Variants in DNASE1 observed in about 807,000 individuals in gnomAD.
DNASE1 encodes the protein deoxyribonuclease-1.
DNASE1 carries 40 observed loss-of-function variants against 33.9 expected under a neutral mutation model. The ratio of observed to expected loss-of-function variants is 1.18; its 90% CI spans 0.92 to 1.54. The LOEUF is 1.54. DNASE1 is among the 40% of genes most tolerant of loss of function. DNASE1 has a pLI of 0.00. For missense variants in DNASE1, 518 were observed against 372.6 expected, an observed-to-expected ratio of 1.39 and a Z score of -3.21; for synonymous variants, 216 against 160.0, an observed-to-expected ratio of 1.35 and a Z score of -2.64.
intron 1 of DNASE1, among the ~76,000 whole-genome samples, chr16:3,631,066 A>AG (rs914731760): frequency 2.0e-5 from 3 of 152,104 alleles, no homozygotes; most frequent in Non-Finnish European, 4.4e-5. Context: ...GCTGTCACCC[A>AG]GGCTGGAGTG....
chr16:3,657,708 A>T lies in DNASE1; in HGVS notation c.705-12A>T. 6.2e-7 allele frequency: 1 copy of T among 1,613,818 alleles called. No individual in the cohort carries two copies. ...AAAGGGGAACCTACTTTCTCTTCCC[A>T]ACACCCATCAGGATCGTGGTTGCAG... On this transcript the variant is annotated splice_polypyrimidine_tract_variant and intron_variant, in intron 7 of 8. Coordinates refer to ENST00000246949, the MANE Select transcript of DNASE1 (RefSeq NM_005223.4).
chr16:3,661,984 C>T (rs779251477), downstream of DNASE1: 3 of 1,602,820 alleles, frequency 1.9e-6, no homozygotes, highest in Non-Finnish European at 2.6e-6. Flanking sequence ...AGCGTGGCCT[C>T]ACCTGGGGTT....
rs1346280476 is a variant in DNASE1 at position 3,657,245 on chromosome 16, G to A, written c.608G>A (p.Trp203Ter). 1 of 1,613,892 alleles carries A rather than the reference G, an allele frequency of 6.2e-7. No individual in the cohort carries two copies. Among genetic ancestry groups the A allele is most frequent in the African/African-American group, 1.3e-5 (1 of 74,918 alleles). The change falls in exon 7 of 9, where the codon TGG becomes TAG. Residue 203 changes from tryptophan to a stop codon, truncating the protein, a stop_gained. Transcript: ENST00000246949. LOFTEE classifies it high-confidence loss of function. The part of the protein sequence containing the change: ...AGCSYVRPSQ[W>*]SSIRLWTSPT... ...TGCAGCTATGTGAGACCCTCCCAGTGGTCATCCATCCGCCTGTGGACAAGC... is the reference window on the plus strand; with the variant it reads ...TGCAGCTATGTGAGACCCTCCCAGTAGTCATCCATCCGCCTGTGGACAAGC...
chr16:3,662,798 G>A (rs772333028), downstream of DNASE1: 24 of 1,323,688 alleles, frequency 1.8e-5, no homozygotes, highest in East Asian at 2.3e-5. Context: ...GACACCCAAC[G>A]GGCCAGGTAC....
exon 10 of DNASE1, chr16:3,663,792 G>A (rs1031910842): frequency 2.0e-5 from 11 of 562,558 alleles, no homozygotes; most frequent in African/African-American, 1.9e-4. Flanking sequence ...ATCCACATGT[G>A]GCTGAGTGCA....
At chr16:3,664,344 A>T (rs1393738845) in exon 10 of DNASE1, 3 of 1,612,122 alleles carry the variant, frequency 1.9e-6, no homozygotes, top group Non-Finnish European at 2.5e-6. Flanking sequence ...GGGGGCGCAC[A>T]GGTAGTAGAT....
At chr16:3,642,708 A>G (rs2042059017), upstream of DNASE1, among the ~76,000 whole-genome samples, 1 of 152,204 alleles carries the variant, frequency 6.6e-6, no homozygotes. Flanking sequence ...CTTCTGTCCT[A>G]GAGGATGCTT....
exon 10 of DNASE1, chr16:3,664,302 T>C (rs772068892): frequency 6.2e-7 from 1 of 1,606,276 alleles, no homozygotes; most frequent in Non-Finnish European, 8.5e-7. Context: ...CATGGCCTCA[T>C]AGTAGGGTGA....
chr16:3,662,871 G>C, downstream of DNASE1: 1 of 1,613,358 alleles, frequency 6.2e-7, no homozygotes, highest in Non-Finnish European at 8.5e-7. Context: ...CCATCCCCGG[G>C]AAAGCCTCAC....
intron 1 of DNASE1, among the ~76,000 whole-genome samples, chr16:3,617,203 G>A (rs756855246): frequency 4.6e-5 from 7 of 151,610 alleles, no homozygotes; most frequent in East Asian, 1.9e-4. Flanking sequence ...GTGTGCGCCC[G>A]TAATCCCAGC....
At chr16:3,638,104 AGTGT>A (rs58884007), upstream of DNASE1, among the ~76,000 whole-genome samples, 4,131 of 143,480 alleles carry the variant, frequency 0.029, 94 homozygotes, top group African/African-American at 0.068. Flanking sequence ...AGTTTTTGTG[AGTGT>A]GTGTGTGTGT....
chr16:3,654,032 C>T (rs1312777757), upstream of DNASE1: 2 of 189,482 alleles, frequency 1.1e-5, no homozygotes, highest in African/African-American at 4.7e-5. Flanking sequence ...TTATCTGAGC[C>T]CTGGCGGTTG....
chr16:3,648,569 C>T (rs978132503), intron 1 of DNASE1, among the ~76,000 whole-genome samples: 1 of 152,066 alleles, frequency 6.6e-6, no homozygotes, highest in African/African-American at 2.4e-5. Context: ...AGTGCAGAGC[C>T]AAGATCGCGC....
rs555621770 is a variant in DNASE1 at position 3,637,129 on chromosome 16, A to AAAAAAAG, written c.-1358-3582_-1358-3581insAAGAAAA. Among the ~76,000 whole-genome samples, 527 of 152,234 alleles carry AAAAAAAG rather than the reference A, an allele frequency of 3.5e-3. 1 individual carries two copies. The highest frequency in any genetic ancestry group is 0.012 in the African/African-American group (499 of 41,540). On this transcript the variant is annotated intron_variant and NMD_transcript_variant, in intron 1 of 11. Coordinates refer to the DNASE1 transcript ENST00000570769. ...ACAGAATGAGACTCCATCTCAAAAA[A>AAAAAAAG]AAAAGAAAAGAAAAGGAAGTAACTG...
At chr16:3,645,100 C>T (rs1174172164) in intron 1 of DNASE1, among the ~76,000 whole-genome samples, 2 of 152,162 alleles carry the variant, frequency 1.3e-5, no homozygotes, top group African/African-American at 2.4e-5. Context: ...TGCACTCCAG[C>T]CTGGGTGACA....
At chr16:3,621,216 G>A (rs1191378450) in intron 1 of DNASE1, among the ~76,000 whole-genome samples, 1 of 151,950 alleles carries the variant, frequency 6.6e-6, no homozygotes, top group African/African-American at 2.4e-5. Context: ...ATCCCGAGTA[G>A]CCAAGAGTAC....
chr16:3,621,287 A>G (rs1026347824), intron 1 of DNASE1, among the ~76,000 whole-genome samples: 32 of 152,032 alleles, frequency 2.1e-4, no homozygotes, highest in African/African-American at 6.8e-4. Context: ...GGGTCTTGCT[A>G]TCTTGCCCAG....
At position 3,625,925 on chromosome 16, in the gene DNASE1, C is replaced by T. The variant is rs1232717521; in HGVS notation, c.-1359+13919C>T. Reference sequence around the variant, plus strand: ...GATCAGACTGAGCAAAATAGTGGGACCCTGTCTGAACAAACAATTTAAAAA... The same window carrying T: ...GATCAGACTGAGCAAAATAGTGGGATCCTGTCTGAACAAACAATTTAAAAA... On this transcript the variant is annotated intron_variant and NMD_transcript_variant, in intron 1 of 11. Coordinates refer to the DNASE1 transcript ENST00000570769. 2.0e-5 allele frequency among the ~76,000 whole-genome samples: 3 copies of T among 152,262 alleles called. No homozygotes were observed. In the East Asian group the frequency reaches 5.8e-4, roughly 29 times the overall value.
chr16:3,658,316 CGAGGCTGGAGTGCA>C (rs937687817), downstream of DNASE1: 4 of 1,132,306 alleles, frequency 3.5e-6, no homozygotes, highest in African/African-American at 3.1e-5. Context: ...TCACTGTTGC[CGAGGCTGGAGTGCA>C]GAGGCACGAT....
Sources: gnomAD v4.1 joint callset for allele counts (sites outside exome capture counted in the v4.1 genomes callset) on GRCh38, gnomAD v4.1.1 for gene constraint, MANE v1.5 for transcripts, NCBI Gene and HGNC (gene_info 2026-07-23, HGNC 2026-07-21) for gene names.